Variants in OXCT1 observed in about 807,000 individuals in gnomAD.
OXCT1 encodes the protein succinyl-CoA:3-ketoacid coenzyme A transferase 1, mitochondrial.
In OXCT1, 27 loss-of-function variants were observed where a neutral mutation model predicts 69.6. The observed-to-expected ratio is 0.39, with a 90% CI of 0.29 to 0.54. OXCT1 has a LOEUF of 0.54. Ranked by LOEUF, OXCT1 falls within the 20% of genes least tolerant of loss-of-function variation. The pLI is 0.72. For missense variants in OXCT1, 437 were observed against 650.2 expected, an observed-to-expected ratio of 0.67 and a Z score of 3.57; for synonymous variants, 202 against 217.8, an observed-to-expected ratio of 0.93 and a Z score of 0.64.
intron 12 of OXCT1, 181 bp from the exon 13 acceptor site, chr5:41,794,259 TG>T (rs2112229461): frequency 1.6e-6 from 1 of 638,932 alleles, no homozygotes; most frequent in East Asian, 2.7e-5. Flanking sequence ...AAATTCTTTT[TG>T]AAAAAAAAGT....
At chr5:41,825,116 T>A (rs1747741983) in intron 7 of OXCT1, among the ~76,000 whole-genome samples, 1 of 152,210 alleles carries the variant, frequency 6.6e-6, no homozygotes, top group African/African-American at 2.4e-5. Context: ...CAGGTAGGAT[T>A]TGTATTTAGA....
intron 5 of OXCT1, among the ~76,000 whole-genome samples, chr5:41,847,322 T>C (rs1036945465): frequency 4.6e-5 from 7 of 152,098 alleles, no homozygotes; most frequent in African/African-American, 1.2e-4. Context: ...CAGGACCAGA[T>C]GGATTCACAG....
In OXCT1 at chr5:41,862,664, A is replaced by T; in HGVS notation, c.165T>A (p.Asp55Glu). The change falls in exon 2 of 17, where the codon GAT becomes GAA. Residue 55 changes from aspartate (D) to glutamate (E), a missense_variant. Physicochemically the swap from Asp to Glu is conservative, Grantham distance 45. This residue lies in a region of OXCT1 where 252 missense variants were observed against 397.4 expected (regional missense o/e 0.63). Coordinates refer to ENST00000196371, the MANE Select transcript of OXCT1 (RefSeq NM_000436.4). ...CACCACCAACCAAAACCGTGGCACC[A>T]TCAGGGATGTCTTTTACAGCTTCTA... ...DPVEAVKDIP[D>E]GATVLVGGFG... The T allele has an allele frequency of 6.2e-7, 1 of 1,610,938 alleles. No individual in the cohort carries two copies. The highest frequency in any genetic ancestry group is 8.5e-7 in the Non-Finnish European group (1 of 1,177,198).
chr5:41,790,494 A>G (rs1745863138), intron 13 of OXCT1, among the ~76,000 whole-genome samples: 1 of 152,210 alleles, frequency 6.6e-6, no homozygotes, highest in African/African-American at 2.4e-5. Flanking sequence ...ACTGCATACT[A>G]AGAAGCTATT....
intron 11 of OXCT1, among the ~76,000 whole-genome samples, chr5:41,799,187 AT>A (rs11285287): frequency 0.014 from 2,153 of 152,274 alleles, 94 homozygotes; most frequent in South Asian, 0.08. Context: ...ATTCAAAGAG[AT>A]TTCCATAAAA....
chr5:41,748,578 T>C (rs1001106611), intron 15 of OXCT1, among the ~76,000 whole-genome samples: 7 of 152,018 alleles, frequency 4.6e-5, no homozygotes, highest in Non-Finnish European at 8.8e-5. Context: ...GTTCTTTATA[T>C]GTTACCTTCA....
At chr5:41,741,114 C>T (rs1246562771) in intron 15 of OXCT1, among the ~76,000 whole-genome samples, 3 of 152,032 alleles carry the variant, frequency 2.0e-5, no homozygotes, top group African/African-American at 7.2e-5. Flanking sequence ...CCACATCCAG[C>T]TAATTTTTTG....
intron 13 of OXCT1, among the ~76,000 whole-genome samples, chr5:41,785,323 C>G (rs1249110301): frequency 2.0e-5 from 3 of 152,152 alleles, no homozygotes; most frequent in African/African-American, 7.2e-5. Flanking sequence ...GAAAACAGAA[C>G]AGGCTAGGGG....
intron 7 of OXCT1, among the ~76,000 whole-genome samples, chr5:41,827,116 C>T (rs1337503950): frequency 6.6e-6 from 1 of 152,178 alleles, no homozygotes; most frequent in Non-Finnish European, 1.5e-5. Context: ...ATTGGTCTGC[C>T]CCTTTATGCC....
chr5:41,853,368 A>G, intron 4 of OXCT1, 51 bp downstream of exon 4: 1 of 1,550,262 alleles, frequency 6.5e-7, no homozygotes, highest in Non-Finnish European at 8.9e-7. Flanking sequence ...CGGAGAAAAA[A>G]GGAATTTTTA....
At chr5:41,750,382 G>A (rs1411709399) in intron 14 of OXCT1, among the ~76,000 whole-genome samples, 1 of 151,884 alleles carries the variant, frequency 6.6e-6, no homozygotes, top group African/African-American at 2.4e-5. Flanking sequence ...ACTGGCCTCT[G>A]AGGCATGTCT....
intron 15 of OXCT1, among the ~76,000 whole-genome samples, chr5:41,743,430 G>A (rs1469799169): frequency 1.3e-5 from 2 of 152,248 alleles, no homozygotes; most frequent in Non-Finnish European, 2.9e-5. Flanking sequence ...TCTGTAGGTT[G>A]CCTGTTCACT....
At position 41,870,397 on chromosome 5, in the gene OXCT1, C is replaced by T; in HGVS notation, c.-39G>A. 6.5e-7 allele frequency: 1 copy of T among 1,544,488 alleles called. No individual in the cohort carries two copies. ...GGCAGGAGGAGGCTGCGGGTTGGAG[C>T]GCGCGTTTGAGCGTCGGTGCGCGAC... On this transcript the variant is annotated 5_prime_UTR_variant, in exon 1 of 17. Transcript: ENST00000196371. The surrounding 1 kb of genome is among the most constrained non-coding windows in gnomAD (Gnocchi z 4.2).
intron 7 of OXCT1, among the ~76,000 whole-genome samples, chr5:41,819,380 G>T (rs901512221): frequency 4.0e-5 from 6 of 151,574 alleles, no homozygotes; most frequent in Admixed American, 6.6e-5. Flanking sequence ...GGGGGGATTG[G>T]GGGGGCAGGG....
rs76500866 is a variant in OXCT1 at position 41,770,693 on chromosome 5, C to T, written c.1249-8493G>A. Among the ~76,000 whole-genome samples, 106 of 152,266 alleles carry T rather than the reference C, an allele frequency of 7.0e-4. No homozygotes were observed. In the East Asian group the frequency reaches 0.016, roughly 23 times the overall value. ...AATAAAAAATGCAAATTCTAAAATC[C>T]TAAAACTACCACTTCTGTTTTCTTT... On this transcript the variant is annotated intron_variant, in intron 13 of 16. Coordinates refer to ENST00000196371, the MANE Select transcript of OXCT1 (RefSeq NM_000436.4).
At chr5:41,767,888 T>C (rs1033278543) in intron 13 of OXCT1, among the ~76,000 whole-genome samples, 5 of 151,710 alleles carry the variant, frequency 3.3e-5, no homozygotes, top group African/African-American at 7.3e-5. Context: ...GGCTTTCAGT[T>C]TTCTACCTAG....
chr5:41,870,253 A>G lies in OXCT1; in HGVS notation c.78+28T>C. ...GGTTTGGTCCACGTTCTTCCTGCCC[A>G]TGGCCTTCCTCTTCCCCCGCACTTT... On this transcript the variant is annotated intron_variant, in intron 1 of 16. Transcript: ENST00000196371. This position sits in a 1 kb window ranked among gnomAD's most constrained non-coding sequence, Gnocchi z 4.2. The G allele has an allele frequency of 1.3e-6, 2 of 1,586,430 alleles. No homozygotes were observed. The highest frequency in any genetic ancestry group is 1.7e-6 in the Non-Finnish European group (2 of 1,155,012).
At chr5:41,775,507 C>G (rs1243389058) in intron 13 of OXCT1, among the ~76,000 whole-genome samples, 4 of 152,126 alleles carry the variant, frequency 2.6e-5, no homozygotes, top group Non-Finnish European at 5.9e-5. Context: ...CTCCCAGAGC[C>G]CTGATGTGTT....
chr5:41,802,647 A>G (rs1322887424), intron 10 of OXCT1, among the ~76,000 whole-genome samples: 1 of 152,064 alleles, frequency 6.6e-6, no homozygotes, highest in East Asian at 1.9e-4. Context: ...AGAACTATTG[A>G]CAACCTTCAT....
Sources: allele counts gnomAD v4.1 joint callset (sites outside exome capture counted in the v4.1 genomes callset), GRCh38; gene constraint gnomAD v4.1.1; regional missense constraint gnomAD v4.1.1; non-coding constraint Gnocchi (gnomAD v3.1); transcripts MANE v1.5; gene names NCBI Gene and HGNC (gene_info 2026-07-23, HGNC 2026-07-21).